Variants in TRDMT1 observed in about 807,000 individuals in gnomAD.
TRDMT1 encodes the protein tRNA (cytosine(38)-C(5))-methyltransferase.
In TRDMT1, 49 loss-of-function variants were observed where a neutral mutation model predicts 51.2. The ratio of observed to expected loss-of-function variants is 0.96; its 90% CI spans 0.76 to 1.21. The LOEUF is 1.21. Among genes scored for constraint, TRDMT1 ranks in the 50% most tolerant of loss-of-function variants. TRDMT1 has a pLI of 0.00. For missense variants in TRDMT1, 534 were observed against 462.3 expected, an observed-to-expected ratio of 1.16 and a Z score of -1.42; for synonymous variants, 187 against 164.6, an observed-to-expected ratio of 1.14 and a Z score of -1.04.
At position 17,140,405 on chromosome 10, in the gene TRDMT1, A is replaced by G. The variant is rs999326735; in HGVS notation, c.*8635T>C. On this transcript the variant is annotated 3_prime_UTR_variant, in exon 11 of 11. Coordinates refer to ENST00000377799, the MANE Select transcript of TRDMT1 (RefSeq NM_004412.7). ...TATTCAAACAATCCCCCAAGCCATGAAAGAACCTACAATTCTATTACCATA... is the reference window on the plus strand; with the variant it reads ...TATTCAAACAATCCCCCAAGCCATGGAAGAACCTACAATTCTATTACCATA... Among the ~76,000 whole-genome samples, 3 of 152,092 alleles carry G rather than the reference A, an allele frequency of 2.0e-5. No homozygotes were observed. The highest frequency in any genetic ancestry group is 2.9e-5 in the Non-Finnish European group (2 of 68,030).
chr10:17,163,426 T>A (rs562417519), intron 3 of TRDMT1, among the ~76,000 whole-genome samples: 2 of 151,950 alleles, frequency 1.3e-5, no homozygotes, highest in South Asian at 4.1e-4. Context: ...ACAGGAAAGA[T>A]CTAAAATTTA....
At chr10:17,186,877 G>T (rs1160593740) in intron 1 of TRDMT1, among the ~76,000 whole-genome samples, 1 of 152,016 alleles carries the variant, frequency 6.6e-6, no homozygotes, top group East Asian at 1.9e-4. Context: ...ACATTTAATG[G>T]CAAGCGAAAA....
intron 7 of TRDMT1, among the ~76,000 whole-genome samples, chr10:17,158,591 C>A (rs1839883489): frequency 6.6e-6 from 1 of 152,130 alleles, no homozygotes; most frequent in African/African-American, 2.4e-5. Context: ...GTTATCCATC[C>A]CCGTTTTTTG....
At position 17,137,915 on chromosome 10, in the gene TRDMT1, C is replaced by T. The variant is rs182544748; in HGVS notation, c.*11125G>A. 7.2e-5 allele frequency among the ~76,000 whole-genome samples: 11 copies of T among 151,780 alleles called. No individual in the cohort carries two copies. Among genetic ancestry groups the T allele is most frequent in the South Asian group, 6.3e-4 (3 of 4,796 alleles). ...AGTGGCTGGGTAAAGGAAGAGACAT[C>T]GACAGAAGGCCTTAAGTGGCAGGTT... is the stretch of plus-strand genomic sequence containing the variant. On this transcript the variant is annotated 3_prime_UTR_variant, in exon 11 of 11. Coordinates refer to ENST00000377799, the MANE Select transcript of TRDMT1 (RefSeq NM_004412.7).
In TRDMT1 at chr10:17,173,273, G is replaced by C. The variant is rs375464953; in HGVS notation, c.174+1278C>G. Among the ~76,000 whole-genome samples, 10 of 152,118 alleles carry C rather than the reference G, an allele frequency of 6.6e-5. No homozygotes were observed. The South Asian group carries it at 2.1e-3, about 32-fold the overall frequency. On this transcript the variant is annotated intron_variant, in intron 2 of 10. Coordinates refer to ENST00000377799, the MANE Select transcript of TRDMT1 (RefSeq NM_004412.7). ...CTTTACTTGTAATGGTAAAAAACTA[G>C]AAACTACTTAAATGTCTATAATAAT...
chr10:17,152,792 T>C (rs1303266026), intron 10 of TRDMT1: 2 of 152,504 alleles, frequency 1.3e-5, no homozygotes, highest in Non-Finnish European at 2.9e-5. Context: ...TCCCTGGACT[T>C]CTTGGACTGC....
intron 1 of TRDMT1, among the ~76,000 whole-genome samples, chr10:17,175,114 TTTAA>T (rs1265143711): frequency 5.9e-5 from 9 of 152,350 alleles, no homozygotes; most frequent in East Asian, 3.9e-4. Flanking sequence ...TTGAAAATGC[TTTAA>T]TTGTTTTTTT....
chr10:17,151,017 G>A, intron 10 of TRDMT1: 1 of 978,400 alleles, frequency 1.0e-6, no homozygotes, highest in Non-Finnish European at 1.2e-6. Flanking sequence ...ATGTGTGTGT[G>A]TGTGCGTGCA....
chr10:17,190,392 GA>G, intron 1 of TRDMT1, among the ~76,000 whole-genome samples: 1 of 132,422 alleles, frequency 7.6e-6, no homozygotes, highest in East Asian at 2.3e-4. Context: ...TTTCAACTTT[GA>G]AAAATAAAGA....
At chr10:17,178,934 T>C (rs1261153599) in intron 1 of TRDMT1, among the ~76,000 whole-genome samples, 1 of 152,092 alleles carries the variant, frequency 6.6e-6, no homozygotes, top group African/African-American at 2.4e-5. Context: ...TCTATGAAAT[T>C]ATCACGTCCT....
intron 2 of TRDMT1, among the ~76,000 whole-genome samples, chr10:17,172,637 G>C (rs1056321739): frequency 1.3e-5 from 2 of 152,100 alleles, no homozygotes; most frequent in African/African-American, 4.8e-5. Context: ...TCAGGAAGAA[G>C]AAAAATTATA....
At chr10:17,199,378 G>C (rs769681990) in intron 1 of TRDMT1, among the ~76,000 whole-genome samples, 2 of 152,156 alleles carry the variant, frequency 1.3e-5, no homozygotes, top group African/African-American at 2.4e-5. Flanking sequence ...ACCGAAGCTA[G>C]AGTGAAAAAG....
At chr10:17,181,586 A>T (rs1588635459) in intron 1 of TRDMT1, among the ~76,000 whole-genome samples, 1 of 152,206 alleles carries the variant, frequency 6.6e-6, no homozygotes, top group South Asian at 2.1e-4. Flanking sequence ...GTTTCTGAGA[A>T]CACTGCTAGC....
intron 1 of TRDMT1, among the ~76,000 whole-genome samples, chr10:17,189,039 G>C (rs1249685184): frequency 6.6e-6 from 1 of 152,110 alleles, no homozygotes; most frequent in Non-Finnish European, 1.5e-5. Flanking sequence ...GGCTAATGTA[G>C]TTTATCCAAG....
intron 6 of TRDMT1, among the ~76,000 whole-genome samples, chr10:17,159,673 G>A (rs977505918): frequency 6.6e-6 from 1 of 152,102 alleles, no homozygotes; most frequent in East Asian, 1.9e-4. Flanking sequence ...GATCAAATAT[G>A]TTGCCAATTT....
rs755109242 is a variant in TRDMT1, at chr10:17,144,553, C to G, written c.*4487G>C. On this transcript the variant is annotated 3_prime_UTR_variant, in exon 11 of 11. Coordinates refer to ENST00000377799, the MANE Select transcript of TRDMT1 (RefSeq NM_004412.7). ...GTGCTGGATGTGGCTGAAAGTAAGA[C>G]TCAGAATCTATGGTAAATATAAAGC... is the stretch of plus-strand genomic sequence containing the variant. The G allele has an allele frequency of 1.2e-4, 120 of 985,608 alleles. No homozygotes were observed. Among genetic ancestry groups the G allele is most frequent in the Non-Finnish European group, 1.4e-4 (116 of 829,930 alleles). 61.1% of individuals were successfully genotyped at this position (985,608 alleles called of 1,614,324 possible). A position where few individuals can be genotyped will look rare whatever the true frequency, so the allele number is the denominator to read the frequency against.
At chr10:17,177,713 A>AACAC (rs372220525) in intron 1 of TRDMT1, among the ~76,000 whole-genome samples, 59,114 of 146,800 alleles carry the variant, frequency 0.4, 11,826 homozygotes, top group South Asian at 0.48. Flanking sequence ...ATAGACAAGA[A>AACAC]ACACACACAC....
intron 1 of TRDMT1, among the ~76,000 whole-genome samples, chr10:17,197,202 T>G (rs1191439011): frequency 6.6e-6 from 1 of 152,184 alleles, no homozygotes; most frequent in Non-Finnish European, 1.5e-5. Context: ...AAAAAGAATC[T>G]GGGCTAAATA....
chr10:17,168,009 A>T (rs1841442834), intron 3 of TRDMT1, among the ~76,000 whole-genome samples: 1 of 152,172 alleles, frequency 6.6e-6, no homozygotes, highest in Non-Finnish European at 1.5e-5. Flanking sequence ...GCTTAATTAT[A>T]AATATGAATG....
Sources: allele counts gnomAD v4.1 joint callset (sites outside exome capture counted in the v4.1 genomes callset), GRCh38; gene constraint gnomAD v4.1.1; transcripts MANE v1.5; gene names NCBI Gene and HGNC (gene_info 2026-07-23, HGNC 2026-07-21).